The following THRB variants were observed in gnomAD, a reference collection of about 807,000 sequenced individuals.
The protein encoded by THRB is thyroid hormone receptor beta.
In THRB, 12 loss-of-function variants were observed where a neutral mutation model predicts 47.8. The observed-to-expected ratio is 0.25, with a 90% CI of 0.16 to 0.41. The LOEUF (loss-of-function observed/expected upper bound fraction) is 0.41. Among genes scored for constraint, THRB ranks in the 10% least tolerant of loss-of-function variants. The pLI is 1.00. For synonymous variants in THRB, 218 were observed against 212.2 expected, an observed-to-expected ratio of 1.03 and a Z score of -0.24; for missense variants, 348 against 589.2, an observed-to-expected ratio of 0.59 and a Z score of 4.24.
intron 1 of THRB, among the ~76,000 whole-genome samples, chr3:24,492,687 A>G (rs1698342460): frequency 6.6e-6 from 1 of 152,232 alleles, no homozygotes; most frequent in Non-Finnish European, 1.5e-5. Flanking sequence ...TCCCAAAGAT[A>G]ATGGATTAAA....
At chr3:24,283,421 A>G (rs1200967553) in intron 3 of THRB, among the ~76,000 whole-genome samples, 6 of 151,896 alleles carry the variant, frequency 4.0e-5, no homozygotes, top group Admixed American at 3.9e-4. Flanking sequence ...TTAGGTATTG[A>G]TGGGACGTAT....
chr3:24,331,099 T>C (rs888459784), intron 2 of THRB, among the ~76,000 whole-genome samples: 1 of 152,124 alleles, frequency 6.6e-6, no homozygotes, highest in Non-Finnish European at 1.5e-5. Context: ...ACACCATAGA[T>C]GAGTCTTGAT....
At chr3:24,192,858 C>G (rs570532138) in intron 4 of THRB, among the ~76,000 whole-genome samples, 1 of 152,158 alleles carries the variant, frequency 6.6e-6, no homozygotes, top group Non-Finnish European at 1.5e-5. Context: ...TAATTACATT[C>G]GTAATAATGA....
chr3:24,131,252 G>A (rs1350864729), intron 9 of THRB, among the ~76,000 whole-genome samples: 1 of 152,070 alleles, frequency 6.6e-6, no homozygotes, highest in Non-Finnish European at 1.5e-5. Flanking sequence ...ACTAAAATAG[G>A]TGCCAAAATC....
chr3:24,165,903 A>C (rs960274229), intron 5 of THRB, among the ~76,000 whole-genome samples: 1 of 152,204 alleles, frequency 6.6e-6, no homozygotes, highest in African/African-American at 2.4e-5. Context: ...AAAATCAATA[A>C]TCTAGTTTAT....
At chr3:24,187,916 G>A (rs768339844) in intron 5 of THRB, among the ~76,000 whole-genome samples, 1 of 152,208 alleles carries the variant, frequency 6.6e-6, no homozygotes, top group Non-Finnish European at 1.5e-5. Flanking sequence ...GCATTTTTAT[G>A]CTGAACCAAG....
At chr3:24,398,598 G>A (rs933150847) in intron 1 of THRB, among the ~76,000 whole-genome samples, 2 of 152,134 alleles carry the variant, frequency 1.3e-5, no homozygotes, top group African/African-American at 2.4e-5. Flanking sequence ...GAGAGGATGT[G>A]GAGAAAAAGG....
At position 24,491,332 on chromosome 3, in the gene THRB, A is replaced by C. The variant is rs141968642; in HGVS notation, c.-261+3320T>G. On this transcript the variant is annotated intron_variant, in intron 1 of 10. Transcript: ENST00000646209. The stretch of plus-strand genomic sequence containing the variant: ...AATACTCTAGACACAAAAACAAATC[A>C]CCATAATCTTCAATTATAATTTCCT... Among the ~76,000 whole-genome samples the C allele has an allele frequency of 6.4e-3, 979 of 152,324 alleles. 7 individuals carry two copies. The highest frequency in any genetic ancestry group is 0.022 in the African/African-American group (911 of 41,566).
Position 24,297,308 on chromosome 3 carries a change from T to A in THRB, c.-125A>T, listed in dbSNP as rs1299282961. 6.6e-6 allele frequency: 1 copy of A among 152,216 alleles called. No homozygotes were observed. Among genetic ancestry groups the A allele is most frequent in the Non-Finnish European group, 1.5e-5 (1 of 68,026 alleles). The allele number at this position is 152,216 out of a possible 1,614,324, so 9.4% of individuals were successfully genotyped here. ...ACGTTTGTTTTTCTGCATTTCCTCT[T>A]CCTACAGTGAAGTCACTGGGGGCAG... is the stretch of plus-strand genomic sequence containing the variant. On this transcript the variant is annotated 5_prime_UTR_variant, in exon 3 of 11. Transcript: ENST00000646209.
At chr3:24,390,478 A>G (rs1340183419) in intron 1 of THRB, among the ~76,000 whole-genome samples, 3 of 152,164 alleles carry the variant, frequency 2.0e-5, no homozygotes, top group Non-Finnish European at 4.4e-5. Context: ...TGCATGTGCC[A>G]TCATTCCCAT....
At chr3:24,444,082 G>A (rs2071822268) in intron 1 of THRB, among the ~76,000 whole-genome samples, 1 of 151,804 alleles carries the variant, frequency 6.6e-6, no homozygotes, top group Non-Finnish European at 1.5e-5. Flanking sequence ...TCTTTAACAT[G>A]GTTAGAAAAA....
chr3:24,374,360 A>G (rs2065132769), intron 1 of THRB, among the ~76,000 whole-genome samples: 1 of 152,186 alleles, frequency 6.6e-6, no homozygotes, highest in East Asian at 1.9e-4. Context: ...GCAAAAATAC[A>G]TAGGAAGAGA....
intron 5 of THRB, 22 bp downstream of exon 5, chr3:24,190,052 G>A: frequency 6.2e-7 from 1 of 1,612,564 alleles, no homozygotes; most frequent in Non-Finnish European, 8.5e-7. Flanking sequence ...ACATGATAAT[G>A]GGCTAATAAA....
intron 1 of THRB, among the ~76,000 whole-genome samples, chr3:24,419,574 A>C (rs1256751495): frequency 1.3e-5 from 2 of 151,936 alleles, no homozygotes; most frequent in African/African-American, 4.8e-5. Context: ...AAGGTTATCT[A>C]AAGTTAAAAA....
Position 24,127,517 on chromosome 3 carries a change from C to T in THRB, c.1126G>A (p.Val376Ile), listed in dbSNP as rs762924308. The change falls in exon 10 of 11, where the codon GTC (valine) becomes ATC (isoleucine). Residue 376 changes from valine (V) to isoleucine (I), a missense_variant. Around this residue, in one of 5 missense-constraint regions of THRB, gnomAD observed 45 missense variants for 156.2 expected, o/e 0.29. Transcript: ENST00000646209. ...TACTCACCTGAAGACATCAGCAGGA[C>T]GGCCTGAAGGAGGGCTACTTCAGTG... ...DDTEVALLQA[V>I]LLMSSDRPGL... 5.6e-6 allele frequency: 9 copies of T among 1,614,052 alleles called. No individual in the cohort carries two copies. Among genetic ancestry groups the T allele is most frequent in the Admixed American group, 1.7e-5 (1 of 60,000 alleles).
intron 3 of THRB, among the ~76,000 whole-genome samples, chr3:24,276,652 G>C (rs1382426265): frequency 6.6e-6 from 1 of 152,196 alleles, no homozygotes; most frequent in African/African-American, 2.4e-5. Flanking sequence ...CAAGGCAGGG[G>C]ACTAGGTCCT....
intron 5 of THRB, among the ~76,000 whole-genome samples, chr3:24,166,076 C>T (rs976057624): frequency 2.6e-5 from 4 of 152,108 alleles, no homozygotes; most frequent in Admixed American, 6.5e-5. Flanking sequence ...ACATAGGTCC[C>T]GCTGGTTTTT....
At chr3:24,297,606 T>C (rs562140247) in intron 2 of THRB, among the ~76,000 whole-genome samples, 2 of 152,370 alleles carry the variant, frequency 1.3e-5, no homozygotes, top group East Asian at 3.9e-4. Context: ...AATGGTGGGA[T>C]GCTGGCGGCT....
At chr3:24,424,397 T>C (rs1043955946) in intron 1 of THRB, among the ~76,000 whole-genome samples, 1 of 151,962 alleles carries the variant, frequency 6.6e-6, no homozygotes, top group African/African-American at 2.4e-5. Flanking sequence ...GGCAAAGCCA[T>C]GGTAAGTTTC....
Sources: gnomAD v4.1 joint callset for allele counts (sites outside exome capture counted in the v4.1 genomes callset) on GRCh38, gnomAD v4.1.1 for gene constraint, gnomAD v4.1.1 regional missense constraint, MANE v1.5 for transcripts, NCBI Gene and HGNC (gene_info 2026-07-23, HGNC 2026-07-21) for gene names.